The following MYO3B variants were observed in gnomAD, a reference collection of about 807,000 sequenced individuals.
The protein encoded by MYO3B is myosin-IIIb.
In MYO3B, 156 loss-of-function variants were observed where a neutral mutation model predicts 174.6. The ratio of observed to expected loss-of-function variants is 0.89; its 90% CI spans 0.78 to 1.02. The LOEUF is 1.02. MYO3B is among the 50% of genes least tolerant of loss of function. MYO3B has a pLI of 0.00. For synonymous variants in MYO3B, 563 were observed against 569.1 expected (o/e 0.99, Z 0.15); for missense variants, 1,632 against 1,639.4 (o/e 1.00, Z 0.08).
intron 25 of MYO3B, among the ~76,000 whole-genome samples, chr2:170,467,634 A>C (rs1389111526): frequency 6.6e-6 from 1 of 152,106 alleles, no homozygotes; most frequent in Non-Finnish European, 1.5e-5. Flanking sequence ...AGAAAAAAAA[A>C]ATACATTGTA....
At chr2:170,651,579 T>A in intron 32 of MYO3B, 49 bp from the exon 33 acceptor site, 1 of 1,524,686 alleles carries the variant, frequency 6.6e-7, no homozygotes. Flanking sequence ...TTCACTTAAT[T>A]TTCCCAACAC....
At chr2:170,441,581 A>G (rs1471046035) in intron 22 of MYO3B, among the ~76,000 whole-genome samples, 9 of 152,166 alleles carry the variant, frequency 5.9e-5, no homozygotes, top group South Asian at 2.1e-4. Flanking sequence ...GCCCATTTTT[A>G]TGGTTATTTC....
chr2:170,427,105 T>C (rs1409735200), intron 22 of MYO3B, among the ~76,000 whole-genome samples: 1 of 152,140 alleles, frequency 6.6e-6, no homozygotes, highest in Non-Finnish European at 1.5e-5. Flanking sequence ...TTCTAAAGAT[T>C]AATACTAATA....
At chr2:170,193,982 A>G (rs979063922) in intron 1 of MYO3B, among the ~76,000 whole-genome samples, 5 of 152,056 alleles carry the variant, frequency 3.3e-5, no homozygotes, top group Non-Finnish European at 7.4e-5. Flanking sequence ...AACATACTTC[A>G]CACTGTTGAT....
At chr2:170,385,434 A>G (rs1269653739) in intron 12 of MYO3B, among the ~76,000 whole-genome samples, 2 of 152,164 alleles carry the variant, frequency 1.3e-5, no homozygotes, top group South Asian at 2.1e-4. Context: ...AGATACTCCT[A>G]CCACTCTTGG....
At chr2:170,342,640 C>T (rs1353187292) in intron 8 of MYO3B, among the ~76,000 whole-genome samples, 2 of 152,124 alleles carry the variant, frequency 1.3e-5, no homozygotes, top group East Asian at 1.9e-4. Context: ...TAGCACTTGA[C>T]AAATAATAAT....
intron 32 of MYO3B, among the ~76,000 whole-genome samples, chr2:170,618,814 T>C (rs952309165): frequency 4.0e-5 from 6 of 151,526 alleles, no homozygotes; most frequent in Non-Finnish European, 8.8e-5. Context: ...CATTTGTATG[T>C]AGAAGTACAG....
At chr2:170,550,504 C>T (rs941988668) in intron 32 of MYO3B, among the ~76,000 whole-genome samples, 12 of 152,200 alleles carry the variant, frequency 7.9e-5, no homozygotes, top group Non-Finnish European at 1.8e-4. Flanking sequence ...TTGAAAATCA[C>T]TGCTCTGGAC....
intron 25 of MYO3B, among the ~76,000 whole-genome samples, chr2:170,491,282 A>AT (rs1159270250): frequency 3.3e-5 from 5 of 151,810 alleles, no homozygotes; most frequent in African/African-American, 9.7e-5. Flanking sequence ...TTTCTTTTTG[A>AT]TTTTTTCTCT....
chr2:170,509,274 A>G (rs762151463), intron 28 of MYO3B, among the ~76,000 whole-genome samples: 7 of 152,158 alleles, frequency 4.6e-5, no homozygotes, highest in Non-Finnish European at 8.8e-5. Flanking sequence ...GGAGGATTGC[A>G]TGAACCCAGG....
At chr2:170,248,676 C>T (rs1011203) in intron 7 of MYO3B, among the ~76,000 whole-genome samples, 86,253 of 151,980 alleles carry the variant, frequency 0.57, 25,892 homozygotes, top group African/African-American at 0.77. Flanking sequence ...CTTTCTCACA[C>T]TGCACCACTC....
chr2:170,260,915 A>T (rs1369019295), intron 7 of MYO3B, among the ~76,000 whole-genome samples: 1 of 152,254 alleles, frequency 6.6e-6, no homozygotes, highest in Non-Finnish European at 1.5e-5. Flanking sequence ...TGAGATAGTG[A>T]GCATAGACAC....
At chr2:170,546,580 T>C (rs1445184390) in intron 32 of MYO3B, among the ~76,000 whole-genome samples, 2 of 152,220 alleles carry the variant, frequency 1.3e-5, no homozygotes, top group African/African-American at 2.4e-5. Context: ...AGTTTAGACA[T>C]GAAGACGTGA....
chr2:170,613,893 G>A (rs993621840), intron 32 of MYO3B, among the ~76,000 whole-genome samples: 1 of 152,128 alleles, frequency 6.6e-6, no homozygotes, highest in African/African-American at 2.4e-5. Context: ...TTGCTCCTCA[G>A]CCTGTAGATG....
intron 32 of MYO3B, among the ~76,000 whole-genome samples, chr2:170,546,586 C>T (rs1690500284): frequency 6.6e-6 from 1 of 152,170 alleles, no homozygotes; most frequent in Admixed American, 6.5e-5. Context: ...GACATGAAGA[C>T]GTGAGAAAAC....
At chr2:170,537,527 C>G (rs1689799579) in intron 30 of MYO3B, among the ~76,000 whole-genome samples, 1 of 136,306 alleles carries the variant, frequency 7.3e-6, no homozygotes, top group African/African-American at 2.8e-5. Flanking sequence ...CTCACTGCAG[C>G]CTCGACCTCC....
At chr2:170,195,029 G>A (rs1330157690) in intron 1 of MYO3B, among the ~76,000 whole-genome samples, 5 of 151,946 alleles carry the variant, frequency 3.3e-5, no homozygotes, top group Admixed American at 6.6e-5. Context: ...AGCCGCTCTG[G>A]CAACTGATTA....
intron 23 of MYO3B, among the ~76,000 whole-genome samples, chr2:170,446,345 CTGTT>C (rs1233988606): frequency 6.6e-6 from 1 of 152,148 alleles, no homozygotes; most frequent in East Asian, 1.9e-4. Flanking sequence ...CTCCTTTCCT[CTGTT>C]TGATTTTTGA....
rs562244207 is a variant in MYO3B at position 170,401,322 on chromosome 2, G to T, written c.1919-159G>T. 2.6e-5 allele frequency among the ~76,000 whole-genome samples: 4 copies of T among 152,218 alleles called. 1 individual carries two copies. The South Asian group carries it at 6.2e-4, about 24-fold the overall frequency. On this transcript the variant is annotated intron_variant, in intron 17 of 34. Transcript: ENST00000408978. The stretch of plus-strand genomic sequence containing the variant: ...GAACAGTTTGGGAGATACTGTGTCA[G>T]TCTGGAAGCTTCTTGGGGTTAGGGA...
Sources: gnomAD v4.1 joint callset for allele counts (sites outside exome capture counted in the v4.1 genomes callset) on GRCh38, gnomAD v4.1.1 for gene constraint, MANE v1.5 for transcripts, NCBI Gene and HGNC (gene_info 2026-07-23, HGNC 2026-07-21) for gene names.